The following KIF6 variants were observed in gnomAD, a reference collection of about 807,000 sequenced individuals.
The protein encoded by KIF6 is kinesin family member 6.
In KIF6, 106 loss-of-function variants were observed where a neutral mutation model predicts 112.7. That is an observed-to-expected ratio of 0.94 (90% CI 0.80 to 1.11). The LOEUF is 1.11. Among genes scored for constraint, KIF6 ranks in the 50% least tolerant of loss-of-function variants. The pLI, the probability that KIF6 is intolerant of heterozygous loss-of-function variation, is 0.00. For synonymous variants in KIF6, 339 were observed against 339.9 expected (o/e 1.00, Z 0.03); for missense variants, 929 against 964.0 (o/e 0.96, Z 0.48).
At chr6:39,424,370 C>T (rs1306179010) in intron 14 of KIF6, among the ~76,000 whole-genome samples, 1 of 152,196 alleles carries the variant, frequency 6.6e-6, no homozygotes, top group Non-Finnish European at 1.5e-5. Flanking sequence ...ATGTGAATTG[C>T]CTGTTTACTT....
chr6:39,490,745 C>A (rs1775432167), intron 13 of KIF6, among the ~76,000 whole-genome samples: 1 of 151,878 alleles, frequency 6.6e-6, no homozygotes, highest in Admixed American at 6.6e-5. Flanking sequence ...GCTCTACTAG[C>A]CATTAAAGAC....
chr6:39,384,904 C>A (rs892236676), intron 16 of KIF6, among the ~76,000 whole-genome samples: 8 of 152,208 alleles, frequency 5.3e-5, no homozygotes, highest in African/African-American at 1.9e-4. Context: ...TAGGTGACTT[C>A]ATTGGGTCAC....
chr6:39,381,283 A>G (rs9394588), intron 16 of KIF6, among the ~76,000 whole-genome samples: 10,215 of 152,288 alleles, frequency 0.067, 502 homozygotes, highest in East Asian at 0.21. Context: ...CCATAGGAAC[A>G]TGTAGGCAAA....
At chr6:39,472,086 T>C (rs1774147671) in intron 13 of KIF6, among the ~76,000 whole-genome samples, 2 of 152,108 alleles carry the variant, frequency 1.3e-5, no homozygotes, top group African/African-American at 2.4e-5. Context: ...ACAAGCAAAC[T>C]CCTGGAAGAG....
intron 3 of KIF6, among the ~76,000 whole-genome samples, chr6:39,674,222 T>C (rs1787001855): frequency 6.6e-6 from 1 of 152,182 alleles, no homozygotes; most frequent in Non-Finnish European, 1.5e-5. Flanking sequence ...AGAGAAGATA[T>C]ATGGAAAAAT....
At chr6:39,435,691 T>C (rs1189065996) in intron 13 of KIF6, among the ~76,000 whole-genome samples, 1 of 152,228 alleles carries the variant, frequency 6.6e-6, no homozygotes, top group Non-Finnish European at 1.5e-5. Context: ...TCCAAGATGC[T>C]GCAAAAGACA....
At chr6:39,724,766 G>T (rs1294766153) in intron 1 of KIF6, among the ~76,000 whole-genome samples, 1 of 152,164 alleles carries the variant, frequency 6.6e-6, no homozygotes, top group Non-Finnish European at 1.5e-5. Flanking sequence ...TTGTGCATTT[G>T]TGTCTATCTA....
At chr6:39,714,979 G>T (rs35384942) in intron 2 of KIF6, 137,292 of 452,252 alleles carry the variant, frequency 0.3, 22,945 homozygotes, top group Admixed American at 0.38. Flanking sequence ...GCTTTGACAA[G>T]ATCTGCACAA....
rs541345657 is a variant in KIF6 at position 39,442,888 on chromosome 6, C to T, written c.1646-11727G>A. On this transcript the variant is annotated intron_variant, in intron 13 of 22. Transcript: ENST00000287152. The stretch of plus-strand genomic sequence containing the variant: ...CAGCACTTTGGGAGGCTGAGGTGGG[C>T]GGATCATGAGGTCAGGAGATTGAGA... 4.6e-5 allele frequency among the ~76,000 whole-genome samples: 7 copies of T among 151,686 alleles called. No individual in the cohort carries two copies. The South Asian group carries it at 1.3e-3, about 27-fold the overall frequency.
chr6:39,566,820 T>C (rs1321739268), intron 10 of KIF6, among the ~76,000 whole-genome samples: 1 of 152,186 alleles, frequency 6.6e-6, no homozygotes. Context: ...GAAAAGCATT[T>C]TTTCCAAGGT....
chr6:39,437,525 T>C (rs545415496), intron 13 of KIF6, among the ~76,000 whole-genome samples: 1 of 152,346 alleles, frequency 6.6e-6, no homozygotes, highest in East Asian at 1.9e-4. Flanking sequence ...CATATTGTGA[T>C]GGTGTGAAAA....
chr6:39,688,669 A>G (rs1788007988), intron 3 of KIF6, among the ~76,000 whole-genome samples: 1 of 152,168 alleles, frequency 6.6e-6, no homozygotes, highest in Non-Finnish European at 1.5e-5. Context: ...CCAAACCCAT[A>G]AAAAGAAGTG....
chr6:39,536,518 G>A (rs1251468188), intron 13 of KIF6, among the ~76,000 whole-genome samples: 20 of 138,682 alleles, frequency 1.4e-4, no homozygotes, highest in South Asian at 9.6e-4. Context: ...AAACCAGGAA[G>A]AAGTTGAATC....
intron 10 of KIF6, among the ~76,000 whole-genome samples, chr6:39,563,058 T>C (rs1357960481): frequency 6.6e-6 from 1 of 152,112 alleles, no homozygotes; most frequent in Non-Finnish European, 1.5e-5. Context: ...CTGGCCAATA[T>C]GGTGAAACAC....
In KIF6 at chr6:39,720,796, C is replaced by A; in HGVS notation, c.82G>T (p.Glu28Ter). The stretch of plus-strand genomic sequence containing the variant: ...AAGCTAGGTATTAATTTTTCATCTT[C>A]ATCTATGGAATAAATCTGCAAATGT... ...KHQQGIYSID[E>*]DEKLIPSLEI... The change falls in exon 2 of 23, where the codon GAA (glutamate) becomes TAA (stop). Residue 28 changes from glutamate (E) to a stop codon, truncating the protein, a stop_gained. Coordinates refer to ENST00000287152, the MANE Select transcript of KIF6 (RefSeq NM_145027.6). LOFTEE classifies it high-confidence loss of function. 1 of 1,559,746 alleles carries A rather than the reference C, an allele frequency of 6.4e-7. No individual in the cohort carries two copies. The highest frequency in any genetic ancestry group is 8.8e-7 in the Non-Finnish European group (1 of 1,130,648).
intron 3 of KIF6, among the ~76,000 whole-genome samples, chr6:39,663,646 A>C (rs916359676): frequency 1.3e-4 from 20 of 152,222 alleles, no homozygotes; most frequent in African/African-American, 4.6e-4. Flanking sequence ...AACGGAGCCA[A>C]TGCAGCAGAG....
intron 3 of KIF6, among the ~76,000 whole-genome samples, chr6:39,645,398 A>T (rs867706149): frequency 6.6e-6 from 1 of 152,278 alleles, no homozygotes; most frequent in Admixed American, 6.5e-5. Context: ...GGCTCCAAGT[A>T]GAAGATTGTC....
chr6:39,374,808 A>G (rs772050249), intron 16 of KIF6, among the ~76,000 whole-genome samples: 4 of 152,228 alleles, frequency 2.6e-5, no homozygotes, highest in Non-Finnish European at 5.9e-5. Flanking sequence ...AGAAAGCAGT[A>G]TGGAGGTTGT....
chr6:39,509,823 G>C (rs947482358), intron 13 of KIF6, among the ~76,000 whole-genome samples: 1 of 152,134 alleles, frequency 6.6e-6, no homozygotes, highest in Non-Finnish European at 1.5e-5. Flanking sequence ...TATTATCCAG[G>C]AGAACTTCCC....
Sources: gnomAD v4.1 joint callset for allele counts (sites outside exome capture counted in the v4.1 genomes callset) on GRCh38, gnomAD v4.1.1 for gene constraint, MANE v1.5 for transcripts, NCBI Gene and HGNC (gene_info 2026-07-23, HGNC 2026-07-21) for gene names.